The following PLPP5 variants were observed in gnomAD, a reference collection of about 807,000 sequenced individuals.
The protein encoded by PLPP5 is diacylglycerol pyrophosphate like 1.
Under a neutral mutation model 23.6 loss-of-function variants are expected in PLPP5, and 29 were observed. The observed-to-expected ratio is 1.23, with a 90% CI of 0.92 to 1.68. The LOEUF (loss-of-function observed/expected upper bound fraction) is 1.68, where lower values mean the gene tolerates loss of function less well. Among genes scored for constraint, PLPP5 ranks in the 40% most tolerant of loss-of-function variants. PLPP5 has a pLI of 0.00. For missense variants in PLPP5, 315 were observed against 332.1 expected, an observed-to-expected ratio of 0.95 and a Z score of 0.40; for synonymous variants, 143 against 131.3, an observed-to-expected ratio of 1.09 and a Z score of -0.61.
At position 38,268,368 on chromosome 8, in the gene PLPP5, C is replaced by T. The variant is rs1427358879; in HGVS notation, c.274+3G>A. Reference sequence around the variant, plus strand: ...AAACCGGCCCGAAAGGGCTAGCGCTCACCCAGGCAGGCTTGTCTGCTGTCT... The same window carrying T: ...AAACCGGCCCGAAAGGGCTAGCGCTTACCCAGGCAGGCTTGTCTGCTGTCT... On this transcript the variant is annotated splice_donor_region_variant and intron_variant, in intron 3 of 6. Coordinates refer to ENST00000424479, the MANE Select transcript of PLPP5 (RefSeq NM_001102559.2). The T allele has an allele frequency of 6.4e-7, 1 of 1,563,884 alleles. No individual in the cohort carries two copies. Among genetic ancestry groups the T allele is most frequent in the Non-Finnish European group, 8.7e-7 (1 of 1,153,766 alleles).
chr8:38,265,054 G>A (rs1046678743), intron 6 of PLPP5: 5 of 797,256 alleles, frequency 6.3e-6, no homozygotes, highest in Non-Finnish European at 1.1e-5. Flanking sequence ...GGATCCCGAG[G>A]TCAGGAGATT....
rs1808049875 is a variant in PLPP5 at position 38,268,370 on chromosome 8, C to G, written c.274+1G>C. Reference sequence around the variant, plus strand: ...ACCGGCCCGAAAGGGCTAGCGCTCACCCAGGCAGGCTTGTCTGCTGTCTCT... The same window carrying G: ...ACCGGCCCGAAAGGGCTAGCGCTCAGCCAGGCAGGCTTGTCTGCTGTCTCT... On this transcript the variant is annotated splice_donor_variant, in intron 3 of 6. Transcript: ENST00000424479. LOFTEE classifies it high-confidence loss of function. 2.6e-6 allele frequency: 4 copies of G among 1,564,802 alleles called. No individual in the cohort carries two copies. Among genetic ancestry groups the G allele is most frequent in the African/African-American group, 2.7e-5 (2 of 73,706 alleles).
chr8:38,264,196 G>T lies in PLPP5; in HGVS notation c.*248C>A. On this transcript the variant is annotated 3_prime_UTR_variant, in exon 7 of 7. Transcript: ENST00000424479. ...GGGGTCTCACTCTGTTGCCTAGGCT[G>T]GAGTGCAGTGGTGCGATCTCGGCTC... 1 of 980,032 alleles carries T rather than the reference G, an allele frequency of 1.0e-6. No individual in the cohort carries two copies. Among genetic ancestry groups the T allele is most frequent in the Non-Finnish European group, 1.3e-6 (1 of 793,012 alleles). The allele number at this position is 980,032 out of a possible 1,614,324, so 60.7% of individuals were successfully genotyped here. A position where few individuals can be genotyped will look rare whatever the true frequency, so the allele number is the denominator to read the frequency against.
Position 38,268,439 on chromosome 8 carries a change from A to C in PLPP5, c.206T>G (p.Leu69Arg), listed in dbSNP as rs1331155293. ...PMFVIAFLSP[L>R]SLIFLAKFLK... ...AAATTTGGCCAGGAAGATCAGAGAC[A>C]GTGGAGAGAGAAATGCAATAACCTG... The change falls in exon 3 of 7, where the codon CTG (leucine) becomes CGG (arginine). Residue 69 changes from leucine (L) to arginine (R), a missense_variant. Coordinates refer to ENST00000424479, the MANE Select transcript of PLPP5 (RefSeq NM_001102559.2). 1.9e-6 allele frequency: 3 copies of C among 1,574,888 alleles called. No individual in the cohort carries two copies. The highest frequency in any genetic ancestry group is 1.7e-4 in the Middle Eastern group (1 of 6,022).
chr8:38,268,545 A>C (rs995887701), intron 2 of PLPP5, 84 bp from the exon 3 acceptor site: 1 of 1,526,634 alleles, frequency 6.6e-7, no homozygotes, highest in Admixed American at 2.0e-5. Flanking sequence ...GTGACACAGC[A>C]GGACTCACTG....
At chr8:38,266,333 A>C in intron 5 of PLPP5, 22 bp from the exon 6 acceptor site, 1 of 1,601,474 alleles carries the variant, frequency 6.2e-7, no homozygotes, top group Non-Finnish European at 8.5e-7. Context: ...AAAACTTTTA[A>C]GTGGTTTGTC....
In PLPP5 at chr8:38,266,208, CAG is replaced by C. The variant is rs771206382; in HGVS notation, c.565_566del (p.Leu189ValfsTer16). The C allele has an allele frequency of 3.1e-6, 5 of 1,613,708 alleles. No homozygotes were observed. Among genetic ancestry groups the C allele is most frequent in the East Asian group, 2.2e-5 (1 of 44,898 alleles). ...RGKSWRFCAF[L>X]SPLLFAAVIA... ...TCACAGCTGCAAAAAGTAGAGGTGA[CAG>C]AAAGGCACAGAACCTCCAAGATTTC... On this transcript the variant is annotated frameshift_variant, in exon 6 of 7. Transcript: ENST00000424479. LOFTEE classifies it high-confidence loss of function.
At chr8:38,264,678 G>T in intron 6 of PLPP5, 74 bp from the exon 7 acceptor site, 1 of 1,450,278 alleles carries the variant, frequency 6.9e-7, no homozygotes, top group South Asian at 1.5e-5. Flanking sequence ...TAGCATAGAG[G>T]ACCTGGCCCT....
At chr8:38,267,660 A>G (rs1363308140) in intron 4 of PLPP5, 9 of 620,452 alleles carry the variant, frequency 1.5e-5, no homozygotes, top group Non-Finnish European at 1.9e-5. Context: ...TCAAGAGGAC[A>G]CTGACCGACT....
At chr8:38,268,133 A>C (rs1807979595) in intron 3 of PLPP5, 173 bp from the exon 4 acceptor site, 1 of 1,413,630 alleles carries the variant, frequency 7.1e-7, no homozygotes, top group Admixed American at 2.7e-5. Context: ...GAACTTTTGT[A>C]CTAGGCCAAA....
chr8:38,264,393 A>T lies in PLPP5; in HGVS notation c.*51T>A. 1 of 1,436,278 alleles carries T rather than the reference A, an allele frequency of 7.0e-7. No homozygotes were observed. The highest frequency in any genetic ancestry group is 9.3e-7 in the Non-Finnish European group (1 of 1,072,658). 89.0% of individuals were successfully genotyped at this position (1,436,278 alleles called of 1,614,324 possible). On this transcript the variant is annotated 3_prime_UTR_variant, in exon 7 of 7. Transcript: ENST00000424479. Reference sequence around the variant, plus strand: ...GGTGATCCACCCTCCTCAGCCTCCCAAAGTGTTGGGATTACAGGCATGAGC... The same window carrying T: ...GGTGATCCACCCTCCTCAGCCTCCCTAAGTGTTGGGATTACAGGCATGAGC...
In PLPP5 at chr8:38,267,252, A is replaced by C. The variant is rs774616743; in HGVS notation, c.463+15T>G. On this transcript the variant is annotated intron_variant, in intron 5 of 6. Transcript: ENST00000424479. ...TGAAAACAAGCATAGGGTAGAGTCC[A>C]TATGATATTCATACAGGAAGAATGT... The C allele has an allele frequency of 6.2e-7, 1 of 1,613,878 alleles. No homozygotes were observed. The highest frequency in any genetic ancestry group is 1.3e-5 in the African/African-American group (1 of 75,056).
chr8:38,267,541 G>T, intron 4 of PLPP5, 150 bp from the exon 5 acceptor site: 1 of 892,174 alleles, frequency 1.1e-6, no homozygotes, highest in Non-Finnish European at 1.7e-6. Flanking sequence ...ACCACACTAA[G>T]AGAAAAGCCT....
intron 4 of PLPP5, 158 bp from the exon 5 acceptor site, chr8:38,267,549 C>CCTTA (rs3830326): frequency 0.22 from 183,623 of 837,704 alleles, 21,767 homozygotes; most frequent in East Asian, 0.31. Flanking sequence ...AAGAGAAAAG[C>CCTTA]CTTTCAAGGT....
chr8:38,268,918 G>T lies in PLPP5; in HGVS notation c.147C>A (p.Tyr49Ter). The change falls in exon 2 of 7, where the codon TAC becomes TAA. Residue 49 changes from tyrosine (Y) to a stop codon, truncating the protein, a stop_gained. Transcript: ENST00000424479. LOFTEE classifies it high-confidence loss of function. Reference protein sequence around the residue: ...PEEMWLYRNPYVEAEYFPTKP... With the variant: ...PEEMWLYRNP ...TGGTGGGGAAATACTCCGCCTCCAC[G>T]TAGGGGTTCCGGTAGAGCCACATCT... 6.4e-7 allele frequency: 1 copy of T among 1,560,790 alleles called. No homozygotes were observed. The highest frequency in any genetic ancestry group is 1.4e-5 in the African/African-American group (1 of 71,556).
rs1279501023 is a variant in PLPP5, at chr8:38,263,834, T to C, written c.*610A>G. 2 of 984,942 alleles carry C rather than the reference T, an allele frequency of 2.0e-6. No homozygotes were observed. Among genetic ancestry groups the C allele is most frequent in the Non-Finnish European group, 1.2e-6 (1 of 829,574 alleles). 61.0% of individuals were successfully genotyped at this position (984,942 alleles called of 1,614,324 possible). ...AGGCTTCTTTGTGACAAGATCCTTCTAAGAATGGCATTTAAATTAAATGTA... is the reference window on the plus strand; with the variant it reads ...AGGCTTCTTTGTGACAAGATCCTTCCAAGAATGGCATTTAAATTAAATGTA... On this transcript the variant is annotated 3_prime_UTR_variant, in exon 7 of 7. Coordinates refer to ENST00000424479, the MANE Select transcript of PLPP5 (RefSeq NM_001102559.2).
At chr8:38,264,640 T>C in intron 6 of PLPP5, 36 bp from the exon 7 acceptor site, 1 of 1,549,944 alleles carries the variant, frequency 6.5e-7, no homozygotes, top group Admixed American at 2.0e-5. Context: ...CTCTTAATAT[T>C]AGGCTCCTAA....
chr8:38,264,627 C>A lies in PLPP5; in HGVS notation c.635-23G>T, dbSNP rs377715309. ...CATCTGAAGAGAGTGGAAACAAGGT[C>A]TTCTCTTAATATTAGGCTCCTAAAT... On this transcript the variant is annotated intron_variant, in intron 6 of 6. Coordinates refer to ENST00000424479, the MANE Select transcript of PLPP5 (RefSeq NM_001102559.2). The A allele has an allele frequency of 2.8e-5, 44 of 1,568,732 alleles. No homozygotes were observed. The African/African-American group carries it at 5.7e-4, about 20-fold the overall frequency.
At chr8:38,267,744 G>A (rs1308455033) in intron 4 of PLPP5, 153 bp downstream of exon 4, 1 of 798,508 alleles carries the variant, frequency 1.3e-6, no homozygotes. Flanking sequence ...TGAGGTATGG[G>A]GAAGGGAGTA....
Sources: gnomAD v4.1 joint callset for allele counts on GRCh38, gnomAD v4.1.1 for gene constraint, MANE v1.5 for transcripts, NCBI Gene and HGNC (gene_info 2026-07-23, HGNC 2026-07-21) for gene names.